Variants in CNTNAP5 observed in about 807,000 individuals in gnomAD.
CNTNAP5 encodes contactin-associated protein-like 5.
Under a neutral mutation model 150.2 loss-of-function variants are expected in CNTNAP5, and 72 were observed. The ratio of observed to expected loss-of-function variants is 0.48; its 90% CI spans 0.40 to 0.58. CNTNAP5 has a LOEUF of 0.58. CNTNAP5 is among the 20% of genes least tolerant of loss of function. The probability of loss-of-function intolerance (pLI) is 0.00; values close to 1 mark genes in which losing one functional copy is unlikely to be tolerated. For missense variants in CNTNAP5, 1,636 were observed against 1,626.2 expected, an observed-to-expected ratio of 1.01 and a Z score of -0.10; for synonymous variants, 672 against 619.8, an observed-to-expected ratio of 1.08 and a Z score of -1.25.
intron 1 of CNTNAP5, among the ~76,000 whole-genome samples, chr2:124,191,823 G>A (rs868807596): frequency 5.9e-5 from 9 of 151,948 alleles, no homozygotes; most frequent in South Asian, 2.1e-4. Context: ...GCTGAGGCAG[G>A]AGAATCTCTT....
rs182868653 is a variant in CNTNAP5 at position 124,544,242 on chromosome 2, T to C, written c.1649+16786T>C. ...GTTAGTGCTTGGACTAAGGCTAATG[T>C]TTCTAAAGAAAAAAAATGTGTCAAA... is the stretch of plus-strand genomic sequence containing the variant. On this transcript the variant is annotated intron_variant, in intron 10 of 23. Transcript: ENST00000682447. 2.0e-5 allele frequency among the ~76,000 whole-genome samples: 3 copies of C among 152,250 alleles called. No individual in the cohort carries two copies. The East Asian group carries it at 5.8e-4, about 29-fold the overall frequency.
intron 13 of CNTNAP5, among the ~76,000 whole-genome samples, chr2:124,653,736 C>T (rs1678369683): frequency 6.6e-6 from 1 of 151,904 alleles, no homozygotes; most frequent in African/African-American, 2.4e-5. Context: ...CTTCTCAATA[C>T]TTGTACCACC....
chr2:124,911,849 T>C (rs767606746), intron 23 of CNTNAP5, among the ~76,000 whole-genome samples: 99 of 152,246 alleles, frequency 6.5e-4, no homozygotes, highest in Non-Finnish European at 1.2e-3. Flanking sequence ...TTTCACTGTT[T>C]CTAAAATGCA....
intron 3 of CNTNAP5, among the ~76,000 whole-genome samples, chr2:124,297,809 ATTTATTAT>A (rs1688473760): frequency 1.1e-5 from 1 of 95,212 alleles, no homozygotes; most frequent in Non-Finnish European, 2.2e-5. Flanking sequence ...ACATCCAATT[ATTTATTAT>A]TATTATTATT....
intron 8 of CNTNAP5, among the ~76,000 whole-genome samples, chr2:124,508,365 C>G (rs1401377505): frequency 6.6e-6 from 1 of 152,102 alleles, no homozygotes; most frequent in African/African-American, 2.4e-5. Context: ...AAAAATTAAG[C>G]CTCAATCCTC....
At chr2:124,116,864 A>G (rs1683441925) in intron 1 of CNTNAP5, among the ~76,000 whole-genome samples, 1 of 152,188 alleles carries the variant, frequency 6.6e-6, no homozygotes, top group African/African-American at 2.4e-5. Context: ...TGGGTCCTTC[A>G]TCCCAATACA....
chr2:124,656,380 G>A (rs554910123), intron 13 of CNTNAP5, among the ~76,000 whole-genome samples: 1 of 152,128 alleles, frequency 6.6e-6, no homozygotes, highest in African/African-American at 2.4e-5. Flanking sequence ...AAGTGATACA[G>A]CTAAAATGTG....
intron 7 of CNTNAP5, among the ~76,000 whole-genome samples, chr2:124,478,779 T>A (rs890066433): frequency 6.6e-6 from 1 of 152,162 alleles, no homozygotes; most frequent in Non-Finnish European, 1.5e-5. Flanking sequence ...CAGACTCTCT[T>A]ACAGTTATTA....
chr2:124,545,756 G>C (rs1695497221), intron 10 of CNTNAP5, among the ~76,000 whole-genome samples: 1 of 151,992 alleles, frequency 6.6e-6, no homozygotes, highest in Non-Finnish European at 1.5e-5. Context: ...TGTTAACCCA[G>C]GACACTCTTC....
At chr2:124,071,151 T>C (rs1488072373) in intron 1 of CNTNAP5, among the ~76,000 whole-genome samples, 1 of 151,764 alleles carries the variant, frequency 6.6e-6, no homozygotes, top group Non-Finnish European at 1.5e-5. Context: ...CAAATGATAA[T>C]GAATACACAG....
At chr2:124,194,914 C>T in intron 1 of CNTNAP5, among the ~76,000 whole-genome samples, 1 of 151,876 alleles carries the variant, frequency 6.6e-6, no homozygotes. Flanking sequence ...AAGTTATTTG[C>T]AGTGTCCCAA....
intron 3 of CNTNAP5, among the ~76,000 whole-genome samples, chr2:124,354,556 T>C (rs1208353793): frequency 6.6e-6 from 1 of 152,194 alleles, no homozygotes; most frequent in Non-Finnish European, 1.5e-5. Context: ...GACAGAGTTT[T>C]TGACCTAAGA....
chr2:124,365,664 A>T (rs1337010516), intron 3 of CNTNAP5, among the ~76,000 whole-genome samples: 2 of 152,156 alleles, frequency 1.3e-5, no homozygotes, highest in Non-Finnish European at 2.9e-5. Context: ...TACCTCTTAT[A>T]AAAGTTTCCT....
At chr2:124,614,615 A>G (rs1195262792) in intron 12 of CNTNAP5, among the ~76,000 whole-genome samples, 4 of 152,096 alleles carry the variant, frequency 2.6e-5, no homozygotes, top group Non-Finnish European at 5.9e-5. Context: ...GTAGACTGTC[A>G]TGGCTCTGGC....
chr2:124,499,708 C>G (rs1250728301), intron 7 of CNTNAP5, among the ~76,000 whole-genome samples: 2 of 152,170 alleles, frequency 1.3e-5, no homozygotes, highest in Admixed American at 6.5e-5. Flanking sequence ...CTTCCTCAGT[C>G]AACACTTTCT....
chr2:124,499,506 C>T (rs938043221), intron 7 of CNTNAP5, among the ~76,000 whole-genome samples: 1 of 152,144 alleles, frequency 6.6e-6, no homozygotes, highest in African/African-American at 2.4e-5. Flanking sequence ...GGAAGGAAGG[C>T]ACAACGTATG....
intron 22 of CNTNAP5, among the ~76,000 whole-genome samples, chr2:124,909,447 C>T (rs780315740): frequency 1.3e-5 from 2 of 152,018 alleles, no homozygotes; most frequent in Non-Finnish European, 2.9e-5. Context: ...GACAAAATTG[C>T]CTAATGACAC....
At chr2:124,803,007 C>T (rs939200684) in intron 19 of CNTNAP5, among the ~76,000 whole-genome samples, 2 of 150,834 alleles carry the variant, frequency 1.3e-5, no homozygotes, top group South Asian at 2.1e-4. Flanking sequence ...CCCAGCTACT[C>T]GGGAGGCTGA....
intron 1 of CNTNAP5, among the ~76,000 whole-genome samples, chr2:124,171,288 AT>A (rs1343768809): frequency 6.6e-6 from 1 of 152,074 alleles, no homozygotes; most frequent in Non-Finnish European, 1.5e-5. Flanking sequence ...GCTGAAGTAT[AT>A]TTTCTGCTAG....
Sources: gnomAD v4.1 joint callset for allele counts (sites outside exome capture counted in the v4.1 genomes callset) on GRCh38, gnomAD v4.1.1 for gene constraint, MANE v1.5 for transcripts, NCBI Gene and HGNC (gene_info 2026-07-23, HGNC 2026-07-21) for gene names.